METTL3: variants seen among roughly 807,000 people sequenced by gnomAD.
The protein encoded by METTL3 is methyltransferase 3, N6-adenosine-methyltransferase complex catalytic subunit.
In METTL3, 42 loss-of-function variants were observed where a neutral mutation model predicts 64.3. The ratio of observed to expected loss-of-function variants is 0.65; its 90% CI spans 0.51 to 0.84. The LOEUF is 0.84. Among genes scored for constraint, METTL3 ranks in the 40% least tolerant of loss-of-function variants. The pLI is 0.00. For synonymous variants in METTL3, 256 were observed against 263.6 expected (o/e 0.97, Z 0.28); for missense variants, 435 against 722.3 (o/e 0.60, Z 4.56).
rs1368029221 is a variant in METTL3, at chr14:21,500,692, G to A, written c.1117-10C>T. 2 of 1,603,286 alleles carry A rather than the reference G, an allele frequency of 1.2e-6. No individual in the cohort carries two copies. Among genetic ancestry groups the A allele is most frequent in the Non-Finnish European group, 1.7e-6 (2 of 1,173,110 alleles). On this transcript the variant is annotated splice_polypyrimidine_tract_variant and intron_variant, in intron 5 of 10. Coordinates refer to ENST00000298717, the MANE Select transcript of METTL3 (RefSeq NM_019852.5). ...TATCACAACAGATCCACTGCATAAA[G>A]TGGTATTTGGTCATCTTCCCTACTT...
At chr14:21,501,553 C>G in intron 4 of METTL3, 175 bp downstream of exon 4, 1 of 777,300 alleles carries the variant, frequency 1.3e-6, no homozygotes, top group South Asian at 1.8e-5. Flanking sequence ...GGAGTACAGC[C>G]TGTATTCTTC....
chr14:21,506,558 AAAAAC>A (rs1891702614), intron 1 of METTL3, among the ~76,000 whole-genome samples: 1 of 152,316 alleles, frequency 6.6e-6, no homozygotes, highest in South Asian at 2.1e-4. Flanking sequence ...CGTCTCAAGA[AAAAAC>A]AAAACAAAAA....
chr14:21,499,904 G>A (rs895538570), intron 6 of METTL3, 102 bp from the exon 7 acceptor site: 13 of 1,065,050 alleles, frequency 1.2e-5, no homozygotes, highest in Admixed American at 5.9e-5. Context: ...TTCAGTAGAC[G>A]CTCAGTGAAC....
chr14:21,499,955 C>T (rs1005455643), intron 6 of METTL3, among the ~76,000 whole-genome samples, 153 bp from the exon 7 acceptor site: 1 of 152,044 alleles, frequency 6.6e-6, no homozygotes, highest in Admixed American at 6.6e-5. Flanking sequence ...GATCTAAGAA[C>T]GAAAAGATAA....
At chr14:21,500,760 T>C in intron 5 of METTL3, 78 bp from the exon 6 acceptor site, 1 of 1,505,106 alleles carries the variant, frequency 6.6e-7, no homozygotes, top group Non-Finnish European at 9.0e-7. Context: ...TTCCATTTGA[T>C]TTTTCCTATT....
At position 21,511,137 on chromosome 14, in the gene METTL3, G is replaced by A; in HGVS notation, c.87C>T (p.Asp29=). The A allele has an allele frequency of 1.2e-6, 2 of 1,614,062 alleles. No homozygotes were observed. Among genetic ancestry groups the A allele is most frequent in the Middle Eastern group, 3.3e-4 (2 of 6,060 alleles). Residue 29 remains aspartate (D), a synonymous_variant, in exon 1 of 11, where the codon GAC becomes GAT. Coordinates refer to ENST00000298717, the MANE Select transcript of METTL3 (RefSeq NM_019852.5). ...CCAGTGCCTCACCCAAGTGCCCCGA[G>A]TCCTGCTTCCGCCTCCGCTGCAGCC... ...RERLQRRRKQ[D]SGHLDLRNPE... is the part of the protein sequence containing the mutation.
intron 6 of METTL3, 124 bp downstream of exon 6, chr14:21,500,363 AAAAAAAAG>A: frequency 6.2e-5 from 18 of 289,558 alleles, no homozygotes; most frequent in Non-Finnish European, 8.1e-5. Flanking sequence ...GACTCTCTCA[AAAAAAAAG>A]AAAAAAAGAC....
Position 21,503,771 on chromosome 14 carries a change from C to G in METTL3, c.211G>C (p.Glu71Gln). 1 of 1,614,232 alleles carries G rather than the reference C, an allele frequency of 6.2e-7. No individual in the cohort carries two copies. Among genetic ancestry groups the G allele is most frequent in the Admixed American group, 1.7e-5 (1 of 60,032 alleles). The change falls in exon 2 of 11, where the codon GAA (glutamate) becomes CAA (glutamine). Residue 71 changes from glutamate (E) to glutamine (Q), a missense_variant. Coordinates refer to ENST00000298717, the MANE Select transcript of METTL3 (RefSeq NM_019852.5). ...TCTAACTCAGGATCTGTAGCTAATTCAGGAACTGCTGAAGCTGTGCTGGGC... is the reference window on the plus strand; with the variant it reads ...TCTAACTCAGGATCTGTAGCTAATTGAGGAACTGCTGAAGCTGTGCTGGGC... ...PKPSTASAVP[E>Q]LATDPELEKK...
chr14:21,499,497 A>C lies in METTL3; in HGVS notation c.1447T>G (p.Cys483Gly). ...TGGGCCCCACTGCTGCTCACCAAGC[A>C]GTGTTCCTTCCCATGGTTCAACCAG... ...GHWLNHGKEHCLVGVKGNPQG... is the reference protein window; with the variant it reads ...GHWLNHGKEHGLVGVKGNPQG... The change falls in exon 8 of 11, where the codon TGC (cysteine) becomes GGC (glycine). Residue 483 changes from cysteine to glycine, a missense_variant. Coordinates refer to ENST00000298717, the MANE Select transcript of METTL3 (RefSeq NM_019852.5). 1 of 1,613,710 alleles carries C rather than the reference A, an allele frequency of 6.2e-7. No homozygotes were observed. The highest frequency in any genetic ancestry group is 8.5e-7 in the Non-Finnish European group (1 of 1,179,562).
Position 21,503,579 on chromosome 14 carries a change from T to TTA in METTL3, c.319-3_319-2insTA, listed in dbSNP as rs1292545685. ...ATCTTGAGTGGCAGGAGCATCTGGC[T>TTA]AGAGAACGAGGGGAGGTATGGGCAA... On this transcript the variant is annotated splice_region_variant and splice_polypyrimidine_tract_variant and intron_variant, in intron 2 of 10. Transcript: ENST00000298717. 1 of 1,612,914 alleles carries TTA rather than the reference T, an allele frequency of 6.2e-7. No homozygotes were observed. The highest frequency in any genetic ancestry group is 8.5e-7 in the Non-Finnish European group (1 of 1,179,552).
chr14:21,509,853 T>A (rs1481299876), intron 1 of METTL3, among the ~76,000 whole-genome samples: 3 of 152,160 alleles, frequency 2.0e-5, no homozygotes, highest in Non-Finnish European at 4.4e-5. Context: ...GGAAAAAAAA[T>A]TCTCCCTCTT....
At chr14:21,500,889 C>A (rs751843177) in intron 5 of METTL3, 24 bp downstream of exon 5, 6 of 1,601,810 alleles carry the variant, frequency 3.7e-6, no homozygotes, top group South Asian at 1.1e-5. Flanking sequence ...TAAGTTGAGA[C>A]GAGTTTTCTG....
At chr14:21,510,972 C>G (rs990096076) in intron 1 of METTL3, 152 bp downstream of exon 1, 1 of 838,750 alleles carries the variant, frequency 1.2e-6, no homozygotes, top group Non-Finnish European at 1.7e-6. Flanking sequence ...GAAGGGCGAA[C>G]GTCTGCTGCT....
chr14:21,501,197 T>C, intron 4 of METTL3, 68 bp from the exon 5 acceptor site: 3 of 1,238,008 alleles, frequency 2.4e-6, no homozygotes, highest in Non-Finnish European at 3.4e-6. Context: ...AAATTCCAAA[T>C]GATTTCAAAA....
At chr14:21,498,945 A>G in intron 10 of METTL3, 80 bp downstream of exon 10, 1 of 954,678 alleles carries the variant, frequency 1.0e-6, no homozygotes, top group South Asian at 1.3e-5. Context: ...AGTGTAAAAC[A>G]ATGTGAAGCT....
chr14:21,510,751 TAA>T (rs1891813118), intron 1 of METTL3: 2 of 232,386 alleles, frequency 8.6e-6, no homozygotes. Flanking sequence ...ACAGTCGTTA[TAA>T]CTGAGGGAAC....
In METTL3 at chr14:21,499,346, C is replaced by A; in HGVS notation, c.1478G>T (p.Gly493Val). The A allele has an allele frequency of 6.2e-7, 1 of 1,614,178 alleles. No homozygotes were observed. The highest frequency in any genetic ancestry group is 1.1e-5 in the South Asian group (1 of 91,082). The change falls in exon 9 of 11, where the codon GGC (glycine) becomes GTC (valine). Residue 493 changes from glycine to valine, a missense_variant. Around this residue, in one of 9 missense-constraint regions of METTL3, gnomAD observed 38 missense variants for 102.3 expected, o/e 0.37. Coordinates refer to ENST00000298717, the MANE Select transcript of METTL3 (RefSeq NM_019852.5). ...CLVGVKGNPQ[G>V]FNQGLDCDVI... ...ATCACAATCCAGACCCTGGTTGAAG[C>A]CTTGGGGATTTCCTTTGACACCAAC...
chr14:21,503,083 G>T, intron 3 of METTL3, 90 bp downstream of exon 3: 1 of 1,394,032 alleles, frequency 7.2e-7, no homozygotes, highest in Non-Finnish European at 9.7e-7. Flanking sequence ...AACCACTGCT[G>T]TAAACAGTTC....
At chr14:21,500,350 T>G in intron 6 of METTL3, 145 bp downstream of exon 6, 1 of 750,562 alleles carries the variant, frequency 1.3e-6, no homozygotes. Flanking sequence ...AGCAACACAG[T>G]GAGACTCTCT....
Sources: gnomAD v4.1 joint callset for allele counts (sites outside exome capture counted in the v4.1 genomes callset) on GRCh38, gnomAD v4.1.1 for gene constraint, gnomAD v4.1.1 regional missense constraint, MANE v1.5 for transcripts, NCBI Gene and HGNC (gene_info 2026-07-23, HGNC 2026-07-21) for gene names.